RCOR3: variants seen among roughly 807,000 people sequenced by gnomAD.
The protein encoded by RCOR3 is REST corepressor 3.
A neutral mutation model predicts 64.1 loss-of-function variants in RCOR3; 13 were observed. The ratio of observed to expected loss-of-function variants is 0.20; its 90% CI spans 0.13 to 0.32. RCOR3 has a LOEUF of 0.32. Ranked by LOEUF, RCOR3 falls within the 10% of genes least tolerant of loss-of-function variation. The pLI is 1.00. For missense variants in RCOR3, 489 were observed against 701.2 expected, an observed-to-expected ratio of 0.70 and a Z score of 3.42; for synonymous variants, 215 against 239.0, an observed-to-expected ratio of 0.90 and a Z score of 0.93.
chr1:211,259,812 G>A, intron 1 of RCOR3, 86 bp downstream of exon 1: 2 of 875,962 alleles, frequency 2.3e-6, no homozygotes, highest in Non-Finnish European at 2.9e-6. Context: ...CCGCTCTCCC[G>A]CCCTCCCTCC....
intron 7 of RCOR3, among the ~76,000 whole-genome samples, chr1:211,283,194 A>G (rs1469598397): frequency 1.3e-5 from 2 of 152,226 alleles, no homozygotes; most frequent in African/African-American, 4.8e-5. Flanking sequence ...CACTGACCCC[A>G]TAGGGGACAT....
intron 10 of RCOR3, among the ~76,000 whole-genome samples, chr1:211,308,698 T>TTTTTGTGTGTG (rs1701171863): frequency 4.9e-5 from 2 of 40,846 alleles, no homozygotes; most frequent in African/African-American, 1.4e-4. Context: ...TTTTTTTTTT[T>TTTTTGTGTGTG]TGTGTAGTCC....
chr1:211,284,934 C>T (rs1698328158), intron 7 of RCOR3, among the ~76,000 whole-genome samples: 1 of 152,178 alleles, frequency 6.6e-6, no homozygotes, highest in Admixed American at 6.5e-5. Flanking sequence ...CTTCTGTTGT[C>T]AGTTAAATAT....
chr1:211,265,515 C>G (rs1411887539), intron 2 of RCOR3, among the ~76,000 whole-genome samples: 1 of 152,106 alleles, frequency 6.6e-6, no homozygotes, highest in Non-Finnish European at 1.5e-5. Context: ...GTCAGGAGTT[C>G]AAGACCAGCC....
At chr1:211,266,728 T>C (rs1416884666) in intron 2 of RCOR3, among the ~76,000 whole-genome samples, 1 of 152,176 alleles carries the variant, frequency 6.6e-6, no homozygotes, top group Non-Finnish European at 1.5e-5. Flanking sequence ...AAAATAAACA[T>C]GGGGTTAATG....
rs115251597 is a variant in RCOR3, at chr1:211,286,625, T to C, written c.721-2553T>C. Among the ~76,000 whole-genome samples, 1,514 of 152,312 alleles carry C rather than the reference T, an allele frequency of 9.9e-3. 17 individuals are homozygous for C. The highest frequency in any genetic ancestry group is 0.035 in the African/African-American group (1,443 of 41,570). On this transcript the variant is annotated intron_variant, in intron 7 of 11. Transcript: ENST00000419091. ...CCCAGCCGGGATGTTTCTATATTTC[T>C]ATTCTTATTGTATACTCTGAAAATT...
intron 7 of RCOR3, 99 bp from the exon 8 acceptor site, chr1:211,289,079 G>T: frequency 1.2e-6 from 1 of 868,000 alleles, no homozygotes; most frequent in Non-Finnish European, 1.9e-6. Context: ...TTTTTTATGT[G>T]TACTTATTGC....
rs1257800536 is a variant in RCOR3, at chr1:211,260,105, C to T, written c.167-3C>T. The T allele has an allele frequency of 1.9e-6, 3 of 1,607,106 alleles. No homozygotes were observed. The highest frequency in any genetic ancestry group is 2.7e-5 in the African/African-American group (2 of 74,396). On this transcript the variant is annotated splice_polypyrimidine_tract_variant and splice_region_variant and intron_variant, in intron 1 of 11. Coordinates refer to ENST00000419091, the MANE Select transcript of RCOR3 (RefSeq NM_001136223.3). ...ATATATATTTTTTGGCATTGCTTTG[C>T]AGATGTTGGGATGAGAGTCGGAGCC...
intron 10 of RCOR3, among the ~76,000 whole-genome samples, chr1:211,310,243 T>C (rs1701345127): frequency 6.6e-6 from 1 of 152,214 alleles, no homozygotes; most frequent in Non-Finnish European, 1.5e-5. Context: ...CAGATGAAGC[T>C]GCTCTTGTCC....
intron 10 of RCOR3, among the ~76,000 whole-genome samples, chr1:211,308,246 A>AATT (rs1701065759): frequency 6.6e-6 from 1 of 152,220 alleles, no homozygotes; most frequent in South Asian, 2.1e-4. Flanking sequence ...TACATTAAAT[A>AATT]ATTAATGATT....
rs1265697200 is a variant in RCOR3, at chr1:211,289,272, A to G, written c.815A>G (p.Lys272Arg). The change falls in exon 8 of 12, where the codon AAG becomes AGG. Residue 272 changes from lysine (K) to arginine (R), a missense_variant. This residue lies in a region of RCOR3 where 402 missense variants were observed against 617.0 expected (regional missense o/e 0.65). Coordinates refer to ENST00000419091, the MANE Select transcript of RCOR3 (RefSeq NM_001136223.3). Reference protein sequence around the residue: ...LQHRHHSQRSKCRPPKGMYLT... With the variant: ...LQHRHHSQRSRCRPPKGMYLT... Reference sequence around the variant, plus strand: ...CATCGCCATCATTCTCAGCGTTCTAAGTGCCGTCCACCTAAGGGCATGTAT... The same window carrying G: ...CATCGCCATCATTCTCAGCGTTCTAGGTGCCGTCCACCTAAGGGCATGTAT... 3.7e-6 allele frequency: 6 copies of G among 1,614,142 alleles called. No individual in the cohort carries two copies. The South Asian group carries it at 6.6e-5, about 18-fold the overall frequency.
chr1:211,281,214 G>A (rs1226945709), intron 7 of RCOR3, among the ~76,000 whole-genome samples: 2 of 152,096 alleles, frequency 1.3e-5, no homozygotes, highest in Non-Finnish European at 2.9e-5. Flanking sequence ...CTGAAAAGCT[G>A]TCTTTGACTT....
At chr1:211,262,955 C>T (rs1055496247) in intron 2 of RCOR3, among the ~76,000 whole-genome samples, 1 of 150,524 alleles carries the variant, frequency 6.6e-6, no homozygotes, top group Admixed American at 6.6e-5. Context: ...ATGTGCCATG[C>T]TGGTGTGCTG....
intron 5 of RCOR3, 95 bp from the exon 6 acceptor site, chr1:211,278,022 T>G: frequency 8.8e-7 from 1 of 1,134,402 alleles, no homozygotes. Context: ...GAAATATTTT[T>G]TTATTATGCC....
chr1:211,264,406 G>A (rs927364161), intron 2 of RCOR3, among the ~76,000 whole-genome samples: 4 of 152,162 alleles, frequency 2.6e-5, no homozygotes, highest in African/African-American at 9.7e-5. Flanking sequence ...AATTGGCCAG[G>A]GGTCATAGCT....
rs2102685576 is a variant in RCOR3 at position 211,313,193 on chromosome 1, A to G, written c.1318-231A>G. ...CTTTCATAGTCTTATTTTTATTTTCAGTGTTAAGCTGTTTACAAATAAAGA... is the reference window on the plus strand; with the variant it reads ...CTTTCATAGTCTTATTTTTATTTTCGGTGTTAAGCTGTTTACAAATAAAGA... On this transcript the variant is annotated intron_variant, in intron 11 of 11. Coordinates refer to ENST00000419091, the MANE Select transcript of RCOR3 (RefSeq NM_001136223.3). The surrounding 1 kb of genome is among the most constrained non-coding windows in gnomAD (Gnocchi z 4.7). The G allele has an allele frequency of 1.4e-6, 2 of 1,431,492 alleles. No homozygotes were observed. Among genetic ancestry groups the G allele is most frequent in the Non-Finnish European group, 1.8e-6 (2 of 1,099,588 alleles). The allele number at this position is 1,431,492 out of a possible 1,614,324, so 88.7% of individuals were successfully genotyped here. A position where few individuals can be genotyped will look rare whatever the true frequency, so the allele number is the denominator to read the frequency against.
chr1:211,265,430 T>G (rs1303609421), intron 2 of RCOR3, among the ~76,000 whole-genome samples: 1 of 152,136 alleles, frequency 6.6e-6, no homozygotes, highest in Non-Finnish European at 1.5e-5. Flanking sequence ...TTGAAGTGCT[T>G]TATTGGGCCC....
chr1:211,294,365 A>G (rs962774975), intron 8 of RCOR3, among the ~76,000 whole-genome samples: 5 of 152,046 alleles, frequency 3.3e-5, no homozygotes, highest in African/African-American at 1.2e-4. Flanking sequence ...AGCAACCTTC[A>G]GGTTTTTTTT....
chr1:211,303,058 A>G (rs1057297640), intron 9 of RCOR3: 1 of 151,810 alleles, frequency 6.6e-6, no homozygotes, highest in Admixed American at 6.6e-5. Flanking sequence ...CCTTATCACC[A>G]GGTTCCTAAC....
Sources: gnomAD v4.1 joint callset for allele counts (sites outside exome capture counted in the v4.1 genomes callset) on GRCh38, gnomAD v4.1.1 for gene constraint, gnomAD v4.1.1 regional missense constraint, Gnocchi (gnomAD v3.1) non-coding constraint, MANE v1.5 for transcripts, NCBI Gene and HGNC (gene_info 2026-07-23, HGNC 2026-07-21) for gene names.